The following CFAP299 variants were observed in gnomAD, a reference collection of about 807,000 sequenced individuals.
The protein encoded by CFAP299 is cilia and flagella associated protein 299.
Under a neutral mutation model 27.0 loss-of-function variants are expected in CFAP299, and 21 were observed. The ratio of observed to expected loss-of-function variants is 0.78; its 90% confidence interval spans 0.55 to 1.12. The LOEUF is 1.12. Among genes scored for constraint, CFAP299 ranks in the 50% most tolerant of loss-of-function variants. The pLI is 0.00. For missense variants in CFAP299, 310 were observed against 276.6 expected (o/e 1.12, Z -0.86); for synonymous variants, 104 against 98.1 (o/e 1.06, Z -0.36).
At chr4:80,843,266 T>C (rs922233955) in intron 3 of CFAP299, among the ~76,000 whole-genome samples, 11 of 152,028 alleles carry the variant, frequency 7.2e-5, no homozygotes, top group African/African-American at 2.7e-4. Flanking sequence ...GTGTGTGATG[T>C]TCCTCTTCCT....
Position 80,746,919 on chromosome 4 carries a change from G to T in CFAP299, c.334-123074G>T, listed in dbSNP as rs142707843. 1.7e-3 allele frequency among the ~76,000 whole-genome samples: 257 copies of T among 152,146 alleles called. 2 individuals carry two copies. The highest frequency in any genetic ancestry group is 6.0e-3 in the African/African-American group (249 of 41,552). On this transcript the variant is annotated intron_variant, in intron 3 of 5. Coordinates refer to ENST00000358105, the MANE Select transcript of CFAP299 (RefSeq NM_152770.3). Reference sequence around the variant, plus strand: ...ACTAGAAACTAGAAAATGGTCTTCAGAATATGACCAGCTAGATAAGATTGG... The same window carrying T: ...ACTAGAAACTAGAAAATGGTCTTCATAATATGACCAGCTAGATAAGATTGG...
At chr4:80,497,217 C>T (rs1188710591) in intron 2 of CFAP299, among the ~76,000 whole-genome samples, 1 of 152,142 alleles carries the variant, frequency 6.6e-6, no homozygotes, top group African/African-American at 2.4e-5. Context: ...CTGCAGTGAG[C>T]TATGATCGCA....
chr4:80,684,002 T>C (rs1182890606), intron 3 of CFAP299, among the ~76,000 whole-genome samples: 1 of 152,220 alleles, frequency 6.6e-6, no homozygotes, highest in Non-Finnish European at 1.5e-5. Context: ...TCTTATAGAC[T>C]TCAATTCTGT....
chr4:80,501,978 G>A (rs542315880), intron 2 of CFAP299, among the ~76,000 whole-genome samples: 2 of 151,714 alleles, frequency 1.3e-5, no homozygotes, highest in Non-Finnish European at 2.9e-5. Flanking sequence ...CTTGTTTTGG[G>A]TTGTCTATTA....
At chr4:80,608,821 T>G (rs1181298493) in intron 3 of CFAP299, among the ~76,000 whole-genome samples, 1 of 151,472 alleles carries the variant, frequency 6.6e-6, no homozygotes, top group Non-Finnish European at 1.5e-5. Flanking sequence ...AGAAATGGGT[T>G]AGAATTCTTG....
intron 3 of CFAP299, among the ~76,000 whole-genome samples, chr4:80,850,293 A>C (rs1461206188): frequency 6.6e-6 from 1 of 151,986 alleles, no homozygotes; most frequent in Non-Finnish European, 1.5e-5. Context: ...TACATATTAG[A>C]AATCATCATC....
chr4:80,750,816 A>G (rs1230699484), intron 3 of CFAP299, among the ~76,000 whole-genome samples: 1 of 152,196 alleles, frequency 6.6e-6, no homozygotes, highest in Non-Finnish European at 1.5e-5. Context: ...TATCATGTTT[A>G]GAGTTTCAGG....
At chr4:80,388,273 T>A in intron 2 of CFAP299, 1 of 688,486 alleles carries the variant, frequency 1.5e-6, no homozygotes, top group East Asian at 2.7e-5. Context: ...GGTCCAGGGA[T>A]GTGAAGCCTG....
rs185969122 is a variant in CFAP299 at position 80,797,973 on chromosome 4, C to T, written c.334-72020C>T. ...ACTGCTTGAGCTGCAACATTAAATG[C>T]AGAGTCCCTACTTACTGGGCCCAAA... On this transcript the variant is annotated intron_variant, in intron 3 of 5. Transcript: ENST00000358105. Among the ~76,000 whole-genome samples, 415 of 152,280 alleles carry T rather than the reference C, an allele frequency of 2.7e-3. 5 individuals are homozygous for T. Among genetic ancestry groups the T allele is most frequent in the East Asian group, 0.022 (114 of 5,180 alleles).
intron 3 of CFAP299, among the ~76,000 whole-genome samples, chr4:80,808,360 G>T (rs1160716848): frequency 6.6e-6 from 1 of 152,064 alleles, no homozygotes; most frequent in Non-Finnish European, 1.5e-5. Context: ...CATGCAAAAT[G>T]GTAGAAATAT....
At chr4:80,764,939 G>C (rs142073295) in intron 3 of CFAP299, among the ~76,000 whole-genome samples, 1 of 152,212 alleles carries the variant, frequency 6.6e-6, no homozygotes, top group East Asian at 1.9e-4. Context: ...GGCCTGTGGA[G>C]GGGTTGGGGG....
intron 3 of CFAP299, among the ~76,000 whole-genome samples, chr4:80,625,604 C>T (rs1201304774): frequency 6.6e-6 from 1 of 151,578 alleles, no homozygotes; most frequent in East Asian, 1.9e-4. Flanking sequence ...ATTTAAAAAA[C>T]AAAAAAACAA....
intron 3 of CFAP299, among the ~76,000 whole-genome samples, chr4:80,643,964 A>G (rs1739855451): frequency 6.6e-6 from 1 of 152,192 alleles, no homozygotes; most frequent in Non-Finnish European, 1.5e-5. Flanking sequence ...TGATTTCTAC[A>G]TTATGTGAAT....
intron 3 of CFAP299, among the ~76,000 whole-genome samples, chr4:80,630,974 A>C (rs1739175714): frequency 6.6e-6 from 1 of 152,092 alleles, no homozygotes; most frequent in South Asian, 2.1e-4. Context: ...TTAGACTGTT[A>C]AAATATTAAA....
At position 80,621,499 on chromosome 4, in the gene CFAP299, C is replaced by T. The variant is rs146836575; in HGVS notation, c.333+38316C>T. On this transcript the variant is annotated intron_variant, in intron 3 of 5. Transcript: ENST00000358105. The stretch of plus-strand genomic sequence containing the variant: ...TTTGCACACTCTTCTGACACAATAT[C>T]ATTTGTTGATTTAATAAATGAATTC... Among the ~76,000 whole-genome samples, 369 of 151,422 alleles carry T rather than the reference C, an allele frequency of 2.4e-3. 1 individual carries two copies. The highest frequency in any genetic ancestry group is 8.6e-3 in the African/African-American group (350 of 40,862).
intron 4 of CFAP299, among the ~76,000 whole-genome samples, chr4:80,905,733 A>T (rs1204616363): frequency 6.6e-6 from 1 of 152,162 alleles, no homozygotes; most frequent in African/African-American, 2.4e-5. Flanking sequence ...GGAAAAAGCC[A>T]CTTATAAAAT....
At chr4:80,913,343 G>A (rs899772200) in intron 4 of CFAP299, among the ~76,000 whole-genome samples, 1 of 152,154 alleles carries the variant, frequency 6.6e-6, no homozygotes, top group Non-Finnish European at 1.5e-5. Flanking sequence ...GAGGAATTGT[G>A]AATATTCTGG....
chr4:80,714,457 C>T (rs572247030), intron 3 of CFAP299, among the ~76,000 whole-genome samples: 30 of 152,074 alleles, frequency 2.0e-4, no homozygotes, highest in South Asian at 6.2e-4. Flanking sequence ...TGAACAGTTA[C>T]GGTTCTCAGT....
intron 2 of CFAP299, among the ~76,000 whole-genome samples, chr4:80,414,305 C>A (rs1247022818): frequency 6.6e-6 from 1 of 151,670 alleles, no homozygotes; most frequent in African/African-American, 2.4e-5. Context: ...CTCCTGACCT[C>A]GTGATCCGCC....
Sources: gnomAD v4.1 joint callset for allele counts (sites outside exome capture counted in the v4.1 genomes callset) on GRCh38, gnomAD v4.1.1 for gene constraint, MANE v1.5 for transcripts, NCBI Gene and HGNC (gene_info 2026-07-23, HGNC 2026-07-21) for gene names.